SMC3: variants seen among roughly 807,000 people sequenced by gnomAD.
The protein encoded by SMC3 is structural maintenance of chromosomes 3, also known as structural maintenance of chromosomes protein 3.
SMC3 carries 20 observed loss-of-function variants against 171.8 expected under a neutral mutation model. The observed-to-expected ratio is 0.12, with a 90% CI of 0.08 to 0.17. The LOEUF is 0.17. Ranked by LOEUF, SMC3 falls within the 10% of genes least tolerant of loss-of-function variation. The pLI, the probability that SMC3 is intolerant of heterozygous loss-of-function variation, is 1.00. For synonymous variants in SMC3, 464 were observed against 451.1 expected (o/e 1.03, Z -0.36); for missense variants, 543 against 1,420.4 (o/e 0.38, Z 9.93).
intron 25 of SMC3, 99 bp from the exon 26 acceptor site, chr10:110,602,372 GTTC>G: frequency 9.3e-7 from 1 of 1,078,970 alleles, no homozygotes; most frequent in South Asian, 1.4e-5. Context: ...TGTTATCCTT[GTTC>G]TTAAGATTAA....
At chr10:110,583,085 T>TTG (rs1472133225) in intron 10 of SMC3, among the ~76,000 whole-genome samples, 1 of 151,994 alleles carries the variant, frequency 6.6e-6, no homozygotes, top group Non-Finnish European at 1.5e-5. Flanking sequence ...AGAGATGGAA[T>TTG]CTCAGTATGT....
chr10:110,595,875 C>A (rs1331517727), intron 18 of SMC3, among the ~76,000 whole-genome samples: 1 of 147,726 alleles, frequency 6.8e-6, no homozygotes, highest in Non-Finnish European at 1.5e-5. Flanking sequence ...TTAGTCTTCA[C>A]TTCCTTCCCC....
intron 13 of SMC3, 138 bp downstream of exon 13, chr10:110,584,534 G>T: frequency 3.1e-6 from 2 of 649,696 alleles, no homozygotes. Context: ...TTTAGAAAAG[G>T]CCTGCACAGT....
At chr10:110,596,691 G>A in intron 19 of SMC3, 141 bp downstream of exon 19, 2 of 771,804 alleles carry the variant, frequency 2.6e-6, no homozygotes, top group Non-Finnish European at 4.0e-6. Flanking sequence ...TTTAGCTTTT[G>A]AAGACTAAAA....
rs1435374874 is a variant in SMC3, at chr10:110,585,331, C to T, written c.1305+935C>T. ...TTTAATACGAGTCTCACTGTGTCAC[C>T]CAGTCTGGAGTGCAGTGGCATGATC... On this transcript the variant is annotated intron_variant, in intron 13 of 28. Transcript: ENST00000361804. Among the ~76,000 whole-genome samples the T allele has an allele frequency of 8.1e-5, 12 of 148,788 alleles. No individual in the cohort carries two copies. The South Asian group carries it at 1.1e-3, about 13-fold the overall frequency.
In SMC3 at chr10:110,601,897, T is replaced by G; in HGVS notation, c.2892+13T>G. 6.2e-7 allele frequency: 1 copy of G among 1,613,790 alleles called. No homozygotes were observed. The highest frequency in any genetic ancestry group is 1.7e-4 in the Middle Eastern group (1 of 6,056). ...GAGCCTCAAACAGGTTGGTTTTAAA[T>G]TTGAAGTCTTGTTACAAATTGCTCA... On this transcript the variant is annotated intron_variant, in intron 24 of 28. Transcript: ENST00000361804.
intron 1 of SMC3, 68 bp from the exon 2 acceptor site, chr10:110,568,868 AAG>A (rs1860824711): frequency 4.4e-6 from 4 of 905,382 alleles, no homozygotes; most frequent in African/African-American, 3.3e-5. Context: ...AAAAACAAGA[AAG>A]AAATGCAAGA....
Position 110,600,555 on chromosome 10 carries a change from G to GTT in SMC3, c.2535+10_2535+11insTT, listed in dbSNP as rs751021370. The stretch of plus-strand genomic sequence containing the variant: ...TGGACCAAGTAGAACAGGTGTGTAT[G>GTT]TGTTTTTTTTTTTTTTTTTAAGGGC... On this transcript the variant is annotated intron_variant, in intron 22 of 28. Transcript: ENST00000361804. 8 of 1,238,448 alleles carry GTT rather than the reference G, an allele frequency of 6.5e-6. No individual in the cohort carries two copies. Among genetic ancestry groups the GTT allele is most frequent in the Non-Finnish European group, 9.4e-6 (8 of 847,624 alleles). The allele number at this position is 1,238,448 out of a possible 1,614,324, so 76.7% of individuals were successfully genotyped here. A position where few individuals can be genotyped will look rare whatever the true frequency, so the allele number is the denominator to read the frequency against.
chr10:110,567,775 T>C lies in SMC3; in HGVS notation c.-42T>C, dbSNP rs766356573. ...CCTGACCCTGCGGCCGTGCGGTTGC[T>C]GCTCCGGGGCAGGTCTCCTTCCAGG... On this transcript the variant is annotated 5_prime_UTR_variant, in exon 1 of 29. Transcript: ENST00000361804. 9.9e-6 allele frequency: 16 copies of C among 1,613,132 alleles called. No individual in the cohort carries two copies. The South Asian group carries it at 1.8e-4, about 18-fold the overall frequency.
At position 110,583,965 on chromosome 10, in the gene SMC3, CTG is replaced by C. The variant is rs1297180348; in HGVS notation, c.1091+4_1091+5del. 1.9e-6 allele frequency: 3 copies of C among 1,612,570 alleles called. No individual in the cohort carries two copies. In the East Asian group the frequency reaches 6.7e-5, roughly 36 times the overall value. Reference sequence around the variant, plus strand: ...AAAGAAGAACGAGGAATTGCTAGGTCTGAGAACTTTCACCAACACTTTAACTT... The same window carrying C: ...AAAGAAGAACGAGGAATTGCTAGGTCAGAACTTTCACCAACACTTTAACTT... On this transcript the variant is annotated splice_donor_5th_base_variant and intron_variant, in intron 12 of 28. Coordinates refer to ENST00000361804, the MANE Select transcript of SMC3 (RefSeq NM_005445.4).
chr10:110,596,893 A>G (rs1195333834), intron 19 of SMC3, among the ~76,000 whole-genome samples: 1 of 151,768 alleles, frequency 6.6e-6, no homozygotes, highest in African/African-American at 2.4e-5. Context: ...TCCCTGTTGA[A>G]TTTATGTAAG....
At chr10:110,593,280 CAT>C in intron 18 of SMC3, 57 bp downstream of exon 18, 5 of 1,569,962 alleles carry the variant, frequency 3.2e-6, no homozygotes, top group Non-Finnish European at 3.5e-6. Context: ...TCATTTAAAA[CAT>C]ATAATCTGGC....
rs202143125 is a variant in SMC3, at chr10:110,601,918, G to T, written c.2892+34G>T. Reference sequence around the variant, plus strand: ...TAAATTTGAAGTCTTGTTACAAATTGCTCAGTATATAAATTTATTTATATG... The same window carrying T: ...TAAATTTGAAGTCTTGTTACAAATTTCTCAGTATATAAATTTATTTATATG... On this transcript the variant is annotated intron_variant, in intron 24 of 28. Transcript: ENST00000361804. 6.3e-4 allele frequency: 1,015 copies of T among 1,612,124 alleles called. 11 individuals are homozygous for T. In the South Asian group the frequency reaches 9.1e-3, roughly 15 times the overall value.
chr10:110,593,949 C>T (rs1054099742), intron 18 of SMC3, among the ~76,000 whole-genome samples: 8 of 152,124 alleles, frequency 5.3e-5, no homozygotes, highest in Non-Finnish European at 1.0e-4. Flanking sequence ...GATCACACCC[C>T]TGCACTCCAG....
chr10:110,592,327 G>A (rs1278296160), intron 17 of SMC3, among the ~76,000 whole-genome samples: 2 of 152,092 alleles, frequency 1.3e-5, no homozygotes, highest in African/African-American at 4.8e-5. Context: ...AGTCATGGCA[G>A]TGGTCGTTTC....
At chr10:110,592,551 A>T (rs1297845966) in intron 17 of SMC3, among the ~76,000 whole-genome samples, 1 of 152,228 alleles carries the variant, frequency 6.6e-6, no homozygotes. Flanking sequence ...ATGAAATTTT[A>T]TCTGACAAAA....
chr10:110,579,494 G>T (rs1252064118), intron 7 of SMC3, among the ~76,000 whole-genome samples: 3 of 152,048 alleles, frequency 2.0e-5, no homozygotes, highest in African/African-American at 7.2e-5. Context: ...GTTTCTGCCC[G>T]TATGCCATCC....
chr10:110,590,150 T>A (rs1044131530), intron 15 of SMC3, among the ~76,000 whole-genome samples, 159 bp downstream of exon 15: 1 of 152,222 alleles, frequency 6.6e-6, no homozygotes, highest in Admixed American at 6.5e-5. Flanking sequence ...TTAAATAGTT[T>A]TATTACTACA....
At chr10:110,594,096 T>C (rs896657383) in intron 18 of SMC3, among the ~76,000 whole-genome samples, 1 of 20,626 alleles carries the variant, frequency 4.8e-5, no homozygotes, top group Non-Finnish European at 1.1e-4. Context: ...TTGATGTCTC[T>C]GAAATGTGAT....
Sources: gnomAD v4.1 joint callset for allele counts (sites outside exome capture counted in the v4.1 genomes callset) on GRCh38, gnomAD v4.1.1 for gene constraint, MANE v1.5 for transcripts, NCBI Gene and HGNC (gene_info 2026-07-23, HGNC 2026-07-21) for gene names.